The following PIGB variants were observed in gnomAD, a reference collection of about 807,000 sequenced individuals.
The protein encoded by PIGB is GPI alpha-1,2-mannosyltransferase 3.
In PIGB, 58 loss-of-function variants were observed where a neutral mutation model predicts 68.4. The observed-to-expected ratio is 0.85, with a 90% CI of 0.69 to 1.06. PIGB has a LOEUF of 1.06. PIGB is among the 50% of genes least tolerant of loss of function. PIGB has a pLI of 0.00. For missense variants in PIGB, 634 were observed against 655.8 expected, an observed-to-expected ratio of 0.97 and a Z score of 0.36; for synonymous variants, 219 against 220.5, an observed-to-expected ratio of 0.99 and a Z score of 0.06.
chr15:55,350,593 C>G (rs2055899512), intron 9 of PIGB, 106 bp from the exon 10 acceptor site: 2 of 726,304 alleles, frequency 2.8e-6, no homozygotes, highest in Non-Finnish European at 4.8e-6. Context: ...TTGTCTATAA[C>G]AGTATTACAG....
chr15:55,331,374 A>G (rs1307028944), intron 5 of PIGB, among the ~76,000 whole-genome samples: 1 of 152,154 alleles, frequency 6.6e-6, no homozygotes, highest in African/African-American at 2.4e-5. Flanking sequence ...GACAGATACT[A>G]TTCCAGACCT....
chr15:55,325,330 A>G (rs539518479), intron 3 of PIGB, among the ~76,000 whole-genome samples: 1 of 152,210 alleles, frequency 6.6e-6, no homozygotes, highest in African/African-American at 2.4e-5. Context: ...TGTCTCACAC[A>G]CACACACACA....
intron 6 of PIGB, among the ~76,000 whole-genome samples, chr15:55,338,411 C>T (rs79950426): frequency 0.051 from 7,740 of 152,042 alleles, 267 homozygotes; most frequent in East Asian, 0.15. Flanking sequence ...TTTGGGAGGC[C>T]AATGGGGAAG....
chr15:55,353,204 G>GGA (rs749327387), intron 10 of PIGB, among the ~76,000 whole-genome samples: 12 of 152,182 alleles, frequency 7.9e-5, no homozygotes, highest in Admixed American at 2.0e-4. Context: ...ACACAAGAGA[G>GGA]GAAAGTCTGA....
At chr15:55,335,818 G>T (rs2055521902) in intron 6 of PIGB, among the ~76,000 whole-genome samples, 1 of 152,156 alleles carries the variant, frequency 6.6e-6, no homozygotes, top group Non-Finnish European at 1.5e-5. Flanking sequence ...GGCTAAAAGA[G>T]AGTGAGTTTG....
chr15:55,329,874 A>G lies in PIGB; in HGVS notation c.653+20A>G. 1 of 1,512,274 alleles carries G rather than the reference A, an allele frequency of 6.6e-7. No individual in the cohort carries two copies. The highest frequency in any genetic ancestry group is 9.1e-7 in the Non-Finnish European group (1 of 1,100,314). The allele number at this position is 1,512,274 out of a possible 1,614,324, so 93.7% of individuals were successfully genotyped here. On this transcript the variant is annotated intron_variant, in intron 5 of 11. Transcript: ENST00000164305. ...GAACAGGTAAGAAAAATTATTGTTA[A>G]TAATTATGTTCAAAATTCTACTTTT...
Position 55,355,459 on chromosome 15 carries a change from G to A in PIGB, c.*27G>A. The A allele has an allele frequency of 1.3e-6, 2 of 1,578,330 alleles. No homozygotes were observed. Among genetic ancestry groups the A allele is most frequent in the South Asian group, 1.1e-5 (1 of 87,286 alleles). On this transcript the variant is annotated 3_prime_UTR_variant, in exon 12 of 12. Transcript: ENST00000164305. ...CTTTCCTAGATAAATTAACATTGCT[G>A]GGTGGAAATATTCAGATGCTGCTTA...
At chr15:55,354,187 C>T (rs534217035) in intron 10 of PIGB, among the ~76,000 whole-genome samples, 3 of 151,738 alleles carry the variant, frequency 2.0e-5, no homozygotes, top group East Asian at 2.0e-4. Flanking sequence ...GGTTGGCGGG[C>T]GCCTGTAATC....
chr15:55,342,760 G>T (rs2055700541), intron 9 of PIGB, among the ~76,000 whole-genome samples: 1 of 152,128 alleles, frequency 6.6e-6, no homozygotes, highest in African/African-American at 2.4e-5. Context: ...TTTTTCCACA[G>T]TCTTAACATG....
At chr15:55,333,778 C>T in intron 5 of PIGB, 89 bp from the exon 6 acceptor site, 2 of 967,576 alleles carry the variant, frequency 2.1e-6, no homozygotes, top group Non-Finnish European at 2.9e-6. Context: ...GCTATTTATA[C>T]CAAAAGGAAA....
At chr15:55,324,918 T>C (rs2055245157) in intron 3 of PIGB, 1 of 517,364 alleles carries the variant, frequency 1.9e-6, no homozygotes, top group South Asian at 8.3e-5. Context: ...ACTTTCCAAT[T>C]TTAGCATTTA....
intron 2 of PIGB, among the ~76,000 whole-genome samples, chr15:55,320,876 A>G (rs1287779470): frequency 6.6e-6 from 1 of 152,198 alleles, no homozygotes; most frequent in Non-Finnish European, 1.5e-5. Flanking sequence ...ATTATTTTAT[A>G]CAAATATTTC....
rs1182521445 is a variant in PIGB, at chr15:55,340,677, TTCTCATCC to T, written c.913_920del (p.Ser305MetfsTer46). 3.1e-6 allele frequency: 5 copies of T among 1,612,884 alleles called. No individual in the cohort carries two copies. The African/African-American group carries it at 6.7e-5, about 22-fold the overall frequency. On this transcript the variant is annotated frameshift_variant, in exon 8 of 12. Transcript: ENST00000164305. LOFTEE classifies it high-confidence loss of function. ...TGCAGAACTGGGGAACATTTTATGG[TTCTCATCC>T]ATGGCACTGGTACTTCAGTCAAGGA...
Position 55,340,685 on chromosome 15 carries a change from C to G in PIGB, c.920C>G (p.Pro307Arg). The G allele has an allele frequency of 1.2e-6, 2 of 1,612,628 alleles. No individual in the cohort carries two copies. The highest frequency in any genetic ancestry group is 1.7e-4 in the Middle Eastern group (1 of 6,056). ...QNWGTFYGSH[P>R]WHWYFSQGFP... The stretch of plus-strand genomic sequence containing the variant: ...TGGGGAACATTTTATGGTTCTCATC[C>G]ATGGCACTGGTACTTCAGTCAAGGA... The change falls in exon 8 of 12, where the codon CCA (proline) becomes CGA (arginine). Residue 307 changes from proline to arginine, a missense_variant. Physicochemically the swap from Pro to Arg is moderately radical, Grantham distance 103. Coordinates refer to ENST00000164305, the MANE Select transcript of PIGB (RefSeq NM_004855.5).
chr15:55,332,791 T>C (rs973352680), intron 5 of PIGB, among the ~76,000 whole-genome samples: 6 of 152,232 alleles, frequency 3.9e-5, no homozygotes, highest in African/African-American at 1.4e-4. Context: ...CATAATAATA[T>C]ACTATCCATA....
chr15:55,333,191 T>G (rs2055457857), intron 5 of PIGB, among the ~76,000 whole-genome samples: 2 of 152,198 alleles, frequency 1.3e-5, no homozygotes. Flanking sequence ...ACTTCTTATT[T>G]GAAAATACTA....
In PIGB at chr15:55,324,718, T is replaced by A. The variant is rs374580700; in HGVS notation, c.418-2813T>A. Reference sequence around the variant, plus strand: ...TTCTTTTAGCTTTTTAATAGCTACCTCACACTGTTGGCTCATATTAAGTTT... The same window carrying A: ...TTCTTTTAGCTTTTTAATAGCTACCACACACTGTTGGCTCATATTAAGTTT... On this transcript the variant is annotated intron_variant, in intron 3 of 11. Coordinates refer to ENST00000164305, the MANE Select transcript of PIGB (RefSeq NM_004855.5). 1.1e-5 allele frequency: 6 copies of A among 541,438 alleles called. No homozygotes were observed. In the East Asian group the frequency reaches 4.4e-4, roughly 40 times the overall value. 33.5% of individuals were successfully genotyped at this position (541,438 alleles called of 1,614,324 possible).
intron 1 of PIGB, chr15:55,320,012 C>CTT (rs35663720): frequency 4.4e-4 from 122 of 279,012 alleles, no homozygotes; most frequent in Middle Eastern, 1.1e-3. Context: ...TTAACCCACT[C>CTT]TTTTTTTTTT....
At chr15:55,353,998 T>TAAAAATAAAAATAAAAAAA (rs112479438) in intron 10 of PIGB, among the ~76,000 whole-genome samples, 11 of 112,050 alleles carry the variant, frequency 9.8e-5, no homozygotes, top group African/African-American at 4.7e-4. Flanking sequence ...TCATCTTAAA[T>TAAAAATAAAAATAAAAAAA]AAAAAAAAAA....
Sources: allele counts gnomAD v4.1 joint callset (sites outside exome capture counted in the v4.1 genomes callset), GRCh38; gene constraint gnomAD v4.1.1; transcripts MANE v1.5; gene names NCBI Gene and HGNC (gene_info 2026-07-23, HGNC 2026-07-21).